PDE4D: variants seen among roughly 807,000 people sequenced by gnomAD.
PDE4D encodes phosphodiesterase 4D.
In PDE4D, 24 loss-of-function variants were observed where a neutral mutation model predicts 87.4. That is an observed-to-expected ratio of 0.27 (90% confidence interval 0.20 to 0.39). The LOEUF (loss-of-function observed/expected upper bound fraction) is 0.39, where lower values mean the gene tolerates loss of function less well. Among genes scored for constraint, PDE4D ranks in the 10% least tolerant of loss-of-function variants. PDE4D has a pLI of 1.00. For synonymous variants in PDE4D, 384 were observed against 383.2 expected, an observed-to-expected ratio of 1.00 and a Z score of -0.02; for missense variants, 714 against 1,041.0, an observed-to-expected ratio of 0.69 and a Z score of 4.32.
intron 11 of PDE4D, among the ~76,000 whole-genome samples, chr5:58,985,850 G>C (rs533286875): frequency 6.6e-6 from 1 of 152,322 alleles, no homozygotes; most frequent in Admixed American, 6.5e-5. Flanking sequence ...AAGTTTACAA[G>C]TTATTAGAAG....
chr5:60,268,167 G>A (rs1212944332), intron 1 of PDE4D, among the ~76,000 whole-genome samples: 1 of 152,048 alleles, frequency 6.6e-6, no homozygotes, highest in East Asian at 1.9e-4. Flanking sequence ...GTCATATAAG[G>A]AAAACTGCCA....
In PDE4D at chr5:60,119,477, C is replaced by A. The variant is rs1778471044; in HGVS notation, c.42+66080G>T. Reference sequence around the variant, plus strand: ...AAAGAATTGAAATAATCCTTACAGGCTTTCACCTTGTTGGATTGCATGATG... The same window carrying A: ...AAAGAATTGAAATAATCCTTACAGGATTTCACCTTGTTGGATTGCATGATG... On this transcript the variant is annotated intron_variant, in intron 2 of 16. Coordinates refer to the PDE4D transcript ENST00000502484. Among the ~76,000 whole-genome samples, 3 of 152,188 alleles carry A rather than the reference C, an allele frequency of 2.0e-5. No homozygotes were observed. In the South Asian group the frequency reaches 6.2e-4, roughly 31 times the overall value.
chr5:60,359,011 G>A (rs1759841809), intron 1 of PDE4D, among the ~76,000 whole-genome samples: 1 of 152,088 alleles, frequency 6.6e-6, no homozygotes, highest in African/African-American at 2.4e-5. Flanking sequence ...ATTATGTGTG[G>A]GTGACAAGGG....
At chr5:59,362,890 T>A (rs1257267395) in intron 1 of PDE4D, among the ~76,000 whole-genome samples, 2 of 152,300 alleles carry the variant, frequency 1.3e-5, no homozygotes, top group East Asian at 3.9e-4. Context: ...TTTGGTGCTG[T>A]GGATTTTTTC....
At chr5:59,379,211 C>T (rs1785298280) in intron 1 of PDE4D, among the ~76,000 whole-genome samples, 1 of 152,114 alleles carries the variant, frequency 6.6e-6, no homozygotes, top group South Asian at 2.1e-4. Flanking sequence ...GCGTAACAAT[C>T]AATAATTCAT....
At chr5:59,161,574 G>A (rs1246731248) in intron 5 of PDE4D, among the ~76,000 whole-genome samples, 2 of 152,158 alleles carry the variant, frequency 1.3e-5, no homozygotes, top group Non-Finnish European at 2.9e-5. Flanking sequence ...GGTCTGTGGT[G>A]ATGTTAATAC....
At position 59,038,975 on chromosome 5, in the gene PDE4D, C is replaced by A. The variant is rs1375706897; in HGVS notation, c.809-4G>T. 3 of 1,573,456 alleles carry A rather than the reference C, an allele frequency of 1.9e-6. No homozygotes were observed. The highest frequency in any genetic ancestry group is 2.6e-6 in the Non-Finnish European group (3 of 1,158,562). ...GCCAGTTTCTGGTAGGCCTCCTCTG[C>A]GAAGAGACAGGGAAAGGGGGACTCA... On this transcript the variant is annotated splice_polypyrimidine_tract_variant and splice_region_variant and intron_variant, in intron 5 of 14. Transcript: ENST00000340635.
intron 5 of PDE4D, among the ~76,000 whole-genome samples, chr5:59,162,495 G>C (rs1305682372): frequency 6.6e-6 from 1 of 152,042 alleles, no homozygotes; most frequent in Non-Finnish European, 1.5e-5. Context: ...GACTTCACCT[G>C]TAGTGAGGGA....
intron 1 of PDE4D, among the ~76,000 whole-genome samples, chr5:59,854,915 T>C (rs1745207004): frequency 1.3e-5 from 2 of 152,138 alleles, no homozygotes; most frequent in South Asian, 4.1e-4. Flanking sequence ...CTTTACATGT[T>C]TGTATTTAAT....
chr5:59,052,269 CTG>C (rs1294699388), intron 5 of PDE4D, among the ~76,000 whole-genome samples: 1 of 152,130 alleles, frequency 6.6e-6, no homozygotes, highest in Non-Finnish European at 1.5e-5. Flanking sequence ...TCAAGGAAGA[CTG>C]TGGTTTTAAT....
intron 2 of PDE4D, among the ~76,000 whole-genome samples, chr5:60,000,324 T>C (rs1245031512): frequency 6.6e-6 from 1 of 152,084 alleles, no homozygotes; most frequent in African/African-American, 2.4e-5. Flanking sequence ...AAGGGAATCC[T>C]GAAAGCAGGA....
At chr5:59,991,025 T>C (rs1467052946) in intron 2 of PDE4D, among the ~76,000 whole-genome samples, 3 of 152,148 alleles carry the variant, frequency 2.0e-5, no homozygotes, top group Non-Finnish European at 2.9e-5. Context: ...TGAGTATTAG[T>C]AGAAAATAAC....
At chr5:60,207,977 T>C (rs1391880587) in intron 1 of PDE4D, among the ~76,000 whole-genome samples, 4 of 152,224 alleles carry the variant, frequency 2.6e-5, no homozygotes, top group Non-Finnish European at 5.9e-5. Flanking sequence ...GAAATAAATG[T>C]ATCGGGCTTC....
At chr5:59,611,994 T>C (rs920139010) in intron 1 of PDE4D, among the ~76,000 whole-genome samples, 5 of 152,210 alleles carry the variant, frequency 3.3e-5, no homozygotes, top group African/African-American at 7.2e-5. Context: ...ATTTTATCAA[T>C]GCCCCTGAGG....
chr5:59,406,408 C>A (rs1038325832), intron 1 of PDE4D, among the ~76,000 whole-genome samples: 30 of 113,604 alleles, frequency 2.6e-4, no homozygotes, highest in East Asian at 6.1e-4. Context: ...CCCCCCCCCC[C>A]CCCATAGAGT....
intron 1 of PDE4D, among the ~76,000 whole-genome samples, chr5:60,319,932 G>C (rs1251597376): frequency 1.3e-5 from 2 of 152,226 alleles, no homozygotes; most frequent in Non-Finnish European, 2.9e-5. Context: ...GGGGGTCAGG[G>C]ACCCAGTTGC....
chr5:59,726,665 A>G (rs1756637588), intron 1 of PDE4D, among the ~76,000 whole-genome samples: 1 of 152,148 alleles, frequency 6.6e-6, no homozygotes, highest in African/African-American at 2.4e-5. Context: ...GGAGCTGACT[A>G]AAACCCTCAT....
intron 1 of PDE4D, among the ~76,000 whole-genome samples, chr5:59,431,980 A>G (rs1796175322): frequency 1.3e-5 from 2 of 152,126 alleles, no homozygotes; most frequent in South Asian, 2.1e-4. Flanking sequence ...ATGGCTGCAT[A>G]GTATTTACCA....
At chr5:59,888,101 C>G (rs1750435134) in intron 1 of PDE4D, among the ~76,000 whole-genome samples, 1 of 152,204 alleles carries the variant, frequency 6.6e-6, no homozygotes, top group East Asian at 1.9e-4. Flanking sequence ...TCAGTCCCTT[C>G]TCTTCTCGAC....
Sources: gnomAD v4.1 joint callset for allele counts (sites outside exome capture counted in the v4.1 genomes callset) on GRCh38, gnomAD v4.1.1 for gene constraint, MANE v1.5 for transcripts, NCBI Gene and HGNC (gene_info 2026-07-23, HGNC 2026-07-21) for gene names.